TCF3: variants seen among roughly 807,000 people sequenced by gnomAD.
TCF3 encodes the protein transcription factor E2-alpha.
Under a neutral mutation model 72.3 loss-of-function variants are expected in TCF3, and 54 were observed. The observed-to-expected ratio is 0.75, with a 90% CI of 0.60 to 0.94. The LOEUF is 0.94. Ranked by LOEUF, TCF3 falls within the 40% of genes least tolerant of loss-of-function variation. The pLI is 0.00. For missense variants in TCF3, 1,078 were observed against 934.4 expected (o/e 1.15, Z -2.00); for synonymous variants, 525 against 412.6 (o/e 1.27, Z -3.30).
Position 1,609,437 on chromosome 19 carries a change from T to A in TCF3, c.*2270A>T. 1 of 211,186 alleles carries A rather than the reference T, an allele frequency of 4.7e-6. No individual in the cohort carries two copies. The highest frequency in any genetic ancestry group is 7.2e-5 in the East Asian group (1 of 13,882). 13.1% of individuals were successfully genotyped at this position (211,186 alleles called of 1,614,324 possible). A position where few individuals can be genotyped will look rare whatever the true frequency, so the allele number is the denominator to read the frequency against. On this transcript the variant is annotated 3_prime_UTR_variant, in exon 19 of 19. Transcript: ENST00000262965. ...ATACAATTATTTTCTTTAAAAAAATTTTTTTGAAAACCATCTTGAGGCACT... is the reference window on the plus strand; with the variant it reads ...ATACAATTATTTTCTTTAAAAAAATATTTTTGAAAACCATCTTGAGGCACT...
Position 1,632,055 on chromosome 19 carries a change from A to C in TCF3, c.281T>G (p.Leu94Arg). The C allele has an allele frequency of 6.2e-7, 1 of 1,613,424 alleles. No homozygotes were observed. The highest frequency in any genetic ancestry group is 8.5e-7 in the Non-Finnish European group (1 of 1,179,808). ...GCACTCACCTCCGAGTCCCGGTCCC[A>C]GGAATGTGGATGAAGAGAGGCTGCT... is the stretch of plus-strand genomic sequence containing the variant. Reference protein sequence around the residue: ...SHSSLSSSTFLGPGLGGKSGE... With the variant: ...SHSSLSSSTFRGPGLGGKSGE... The change falls in exon 5 of 19, where the codon CTG (leucine) becomes CGG (arginine). Residue 94 changes from leucine to arginine, a missense_variant. Transcript: ENST00000262965.
intron 3 of TCF3, among the ~76,000 whole-genome samples, chr19:1,641,491 C>T (rs911151167): frequency 4.6e-5 from 7 of 152,152 alleles, no homozygotes; most frequent in African/African-American, 1.4e-4. Flanking sequence ...CTCCCTCTGT[C>T]CCCGAGGCCA....
Position 1,619,374 on chromosome 19 carries a change from C to T in TCF3, c.1268G>A (p.Gly423Glu). Reference sequence around the variant, plus strand: ...GCCGGTGAAACCTGAGGCCAGCGCCCCGTGGCCAGGCAGCAGCGTGTGCAT... The same window carrying T: ...GCCGGTGAAACCTGAGGCCAGCGCCTCGTGGCCAGGCAGCAGCGTGTGCAT... ...GDMHTLLPGH[G>E]ALASGFTGPM... Residue 423 changes from glycine to glutamate, a missense_variant, in exon 15 of 19, where the codon GGG becomes GAG. Gly to Glu is a moderately conservative substitution (Grantham distance 98). Coordinates refer to ENST00000262965, the MANE Select transcript of TCF3 (RefSeq NM_003200.5). 6.3e-7 allele frequency: 1 copy of T among 1,590,766 alleles called. No individual in the cohort carries two copies. Among genetic ancestry groups the T allele is most frequent in the East Asian group, 2.2e-5 (1 of 44,522 alleles).
In TCF3 at chr19:1,611,266, C is replaced by T. The variant is rs903636579; in HGVS notation, c.*441G>A. 6.2e-6 allele frequency: 2 copies of T among 321,568 alleles called. No homozygotes were observed. Among genetic ancestry groups the T allele is most frequent in the Non-Finnish European group, 1.1e-5 (2 of 177,416 alleles). The allele number at this position is 321,568 out of a possible 1,614,324, so 19.9% of individuals were successfully genotyped here. A position where few individuals can be genotyped will look rare whatever the true frequency, so the allele number is the denominator to read the frequency against. ...GAATAAGCCAGGTTTCCACAGCATC[C>T]CCCTTGAGTGATATGTTTCCATTTC... On this transcript the variant is annotated 3_prime_UTR_variant, in exon 19 of 19. Transcript: ENST00000262965.
intron 2 of TCF3, among the ~76,000 whole-genome samples, chr19:1,647,364 C>T (rs1305715236): frequency 1.3e-5 from 2 of 152,226 alleles, no homozygotes; most frequent in Non-Finnish European, 2.9e-5. Flanking sequence ...GAGCCAGGGG[C>T]TTTCTGAGGA....
chr19:1,615,477 C>T lies in TCF3; in HGVS notation c.1630G>A (p.Ala544Thr). ...EDDLLPPEQK[A>T]EREKERRVAN... ...ACCCGGCGCTCCTTCTCCCGCTCGG[C>T]CTTCTGCTCTGGGGGGAGAAGGTCG... is the stretch of plus-strand genomic sequence containing the variant. Residue 544 changes from alanine to threonine, a missense_variant, in exon 18 of 19, where the codon GCC becomes ACC. By Grantham distance (58) the Ala-to-Thr change is moderately conservative. Transcript: ENST00000262965. The surrounding 1 kb of genome is among the most constrained non-coding windows in gnomAD (Gnocchi z 7.3). 1 of 1,611,640 alleles carries T rather than the reference C, an allele frequency of 6.2e-7. No individual in the cohort carries two copies. Among genetic ancestry groups the T allele is most frequent in the African/African-American group, 1.3e-5 (1 of 75,038 alleles).
chr19:1,616,515 T>C (rs2061562455), intron 16 of TCF3: 2 of 151,676 alleles, frequency 1.3e-5, no homozygotes, highest in Admixed American at 1.3e-4. Flanking sequence ...ACTTCAGGAA[T>C]GTCCACGTCA....
rs1042088823 is a variant in TCF3 at position 1,611,342 on chromosome 19, T to C, written c.*365A>G. The C allele has an allele frequency of 5.0e-6, 2 of 397,116 alleles. No individual in the cohort carries two copies. The highest frequency in any genetic ancestry group is 8.9e-6 in the Non-Finnish European group (2 of 225,176). The allele number at this position is 397,116 out of a possible 1,614,324, so 24.6% of individuals were successfully genotyped here. A position where few individuals can be genotyped will look rare whatever the true frequency, so the allele number is the denominator to read the frequency against. On this transcript the variant is annotated 3_prime_UTR_variant, in exon 19 of 19. Coordinates refer to ENST00000262965, the MANE Select transcript of TCF3 (RefSeq NM_003200.5). The stretch of plus-strand genomic sequence containing the variant: ...TTTTCTTCTCTGACAAAGTGTATGT[T>C]TTGTTGCTTGCTTTCAGGTTTTGTT...
intron 8 of TCF3, among the ~76,000 whole-genome samples, chr19:1,623,110 C>A (rs1231260641): frequency 6.6e-6 from 1 of 152,130 alleles, no homozygotes; most frequent in African/African-American, 2.4e-5. Context: ...TGACTCTAAC[C>A]CCGAACCCAG....
chr19:1,618,922 C>T lies in TCF3; in HGVS notation c.1450+189G>A, dbSNP rs1159959877. On this transcript the variant is annotated intron_variant, in intron 16 of 18. Coordinates refer to ENST00000262965, the MANE Select transcript of TCF3 (RefSeq NM_003200.5). ...GCAGCCCAGAGCTGTCCACCTCACA[C>T]GCCCAGGGCCAACGCCGGCCCCGCC... Among the ~76,000 whole-genome samples the T allele has an allele frequency of 5.9e-5, 9 of 152,210 alleles. No individual in the cohort carries two copies. Among genetic ancestry groups the T allele is most frequent in the Non-Finnish European group, 7.3e-5 (5 of 68,038 alleles).
rs776774082 is a variant in TCF3 at position 1,615,235 on chromosome 19, C to T, written c.1822+50G>A. The T allele has an allele frequency of 2.5e-5, 38 of 1,528,672 alleles. No individual in the cohort carries two copies. Among genetic ancestry groups the T allele is most frequent in the Middle Eastern group, 4.5e-4 (2 of 4,436 alleles). 94.7% of individuals were successfully genotyped at this position (1,528,672 alleles called of 1,614,324 possible). A position where few individuals can be genotyped will look rare whatever the true frequency, so the allele number is the denominator to read the frequency against. On this transcript the variant is annotated intron_variant, in intron 18 of 18. Transcript: ENST00000262965. The surrounding 1 kb of genome is among the most constrained non-coding windows in gnomAD (Gnocchi z 7.3). ...GGGAAGGAGAACGAGGGCAGGAACACGAGGGAGGGTGGCGCTGCAGGGACG... is the reference window on the plus strand; with the variant it reads ...GGGAAGGAGAACGAGGGCAGGAACATGAGGGAGGGTGGCGCTGCAGGGACG...
Position 1,615,248 on chromosome 19 carries a change from C to T in TCF3, c.1822+37G>A, listed in dbSNP as rs373534308. Reference sequence around the variant, plus strand: ...AGGGCAGGAACACGAGGGAGGGTGGCGCTGCAGGGACGCTGGTGGCCCGCG... The same window carrying T: ...AGGGCAGGAACACGAGGGAGGGTGGTGCTGCAGGGACGCTGGTGGCCCGCG... On this transcript the variant is annotated intron_variant, in intron 18 of 18. Transcript: ENST00000262965. This position sits in a 1 kb window ranked among gnomAD's most constrained non-coding sequence, Gnocchi z 7.3. 39 of 1,542,764 alleles carry T rather than the reference C, an allele frequency of 2.5e-5. No individual in the cohort carries two copies. The highest frequency in any genetic ancestry group is 8.7e-5 in the South Asian group (7 of 80,332).
intron 3 of TCF3, 59 bp downstream of exon 3, chr19:1,646,296 C>A: frequency 6.6e-7 from 1 of 1,521,596 alleles, no homozygotes; most frequent in Non-Finnish European, 8.9e-7. Flanking sequence ...CGCACACTGT[C>A]TTCAACAGAC....
rs1168398065 is a variant in TCF3, at chr19:1,614,720, T to C, written c.1822+565A>G. On this transcript the variant is annotated intron_variant, in intron 18 of 18. Transcript: ENST00000262965. This position sits in a 1 kb window ranked among gnomAD's most constrained non-coding sequence, Gnocchi z 5.6. ...GAAGGAGTCAGCTCACATCTGCGGG[T>C]GGGGACAGGGTCTGTCTGTATCCTT... is the stretch of plus-strand genomic sequence containing the variant. Among the ~76,000 whole-genome samples, 2 of 151,740 alleles carry C rather than the reference T, an allele frequency of 1.3e-5. No individual in the cohort carries two copies. The highest frequency in any genetic ancestry group is 2.9e-5 in the Non-Finnish European group (2 of 67,922).
intron 3 of TCF3, among the ~76,000 whole-genome samples, chr19:1,636,534 G>A (rs889397261): frequency 3.3e-5 from 5 of 152,168 alleles, no homozygotes; most frequent in African/African-American, 1.2e-4. Flanking sequence ...CCTGGACTCA[G>A]GCGCTCCTCC....
intron 3 of TCF3, among the ~76,000 whole-genome samples, chr19:1,638,712 G>A (rs899047067): frequency 2.0e-5 from 3 of 152,176 alleles, no homozygotes; most frequent in African/African-American, 4.8e-5. Context: ...AATACTAACC[G>A]CTATTCAATC....
intron 2 of TCF3, among the ~76,000 whole-genome samples, chr19:1,649,084 G>A (rs1048613354): frequency 2.6e-5 from 4 of 152,210 alleles, no homozygotes; most frequent in African/African-American, 9.7e-5. Flanking sequence ...AGAATGGGCC[G>A]TACAGGGACA....
At chr19:1,643,092 T>C (rs1244571986) in intron 3 of TCF3, among the ~76,000 whole-genome samples, 1 of 152,206 alleles carries the variant, frequency 6.6e-6, no homozygotes, top group Non-Finnish European at 1.5e-5. Flanking sequence ...GACCTGTGCC[T>C]GAGGGTTTCC....
chr19:1,620,963 C>T lies in TCF3; in HGVS notation c.1093+5G>A, dbSNP rs1599589385. 2 of 1,486,726 alleles carry T rather than the reference C, an allele frequency of 1.3e-6. No homozygotes were observed. The highest frequency in any genetic ancestry group is 1.8e-6 in the Non-Finnish European group (2 of 1,119,956). The allele number at this position is 1,486,726 out of a possible 1,614,324, so 92.1% of individuals were successfully genotyped here. A position where few individuals can be genotyped will look rare whatever the true frequency, so the allele number is the denominator to read the frequency against. ...GCCTCCCCTCCCCCCAAAACCCTCACAGACCTGCCAGGCCCTGGGGGGAGC... is the reference window on the plus strand; with the variant it reads ...GCCTCCCCTCCCCCCAAAACCCTCATAGACCTGCCAGGCCCTGGGGGGAGC... On this transcript the variant is annotated splice_donor_5th_base_variant and intron_variant, in intron 13 of 18. Coordinates refer to ENST00000262965, the MANE Select transcript of TCF3 (RefSeq NM_003200.5).
Sources: allele counts gnomAD v4.1 joint callset (sites outside exome capture counted in the v4.1 genomes callset), GRCh38; gene constraint gnomAD v4.1.1; non-coding constraint Gnocchi (gnomAD v3.1); transcripts MANE v1.5; gene names NCBI Gene and HGNC (gene_info 2026-07-23, HGNC 2026-07-21).